The following GPHN variants were observed in gnomAD, a reference collection of about 807,000 sequenced individuals.
GPHN encodes gephyrin.
A neutral mutation model predicts 95.5 loss-of-function variants in GPHN; 17 were observed. The observed-to-expected ratio is 0.18, with a 90% CI of 0.12 to 0.27. GPHN has a LOEUF of 0.27. Among genes scored for constraint, GPHN ranks in the 10% least tolerant of loss-of-function variants. The probability of loss-of-function intolerance (pLI) is 1.00; values close to 1 mark genes in which losing one functional copy is unlikely to be tolerated. For missense variants in GPHN, 660 were observed against 978.1 expected (o/e 0.67, Z 4.34); for synonymous variants, 320 against 322.5 (o/e 0.99, Z 0.08).
chr14:66,686,265 T>C (rs2067353241), intron 2 of GPHN, among the ~76,000 whole-genome samples: 1 of 152,244 alleles, frequency 6.6e-6, no homozygotes, highest in Non-Finnish European at 1.5e-5. Context: ...TTAAAGTAGT[T>C]ATTTCCAATT....
At chr14:67,322,003 T>C in the GPHN span, among the ~76,000 whole-genome samples, 1 of 152,212 alleles carries the variant, frequency 6.6e-6, no homozygotes, top group African/African-American at 2.4e-5. Context: ...CTTGGTTGTA[T>C]GAAAATAATG....
At chr14:66,756,931 A>G (rs561861254) in intron 2 of GPHN, among the ~76,000 whole-genome samples, 1 of 152,238 alleles carries the variant, frequency 6.6e-6, no homozygotes, top group Non-Finnish European at 1.5e-5. Flanking sequence ...CTGACAATTA[A>G]TGAAGTAGCA....
chr14:66,752,876 A>G (rs561965374), intron 2 of GPHN, among the ~76,000 whole-genome samples: 93 of 148,468 alleles, frequency 6.3e-4, no homozygotes, highest in Non-Finnish European at 1.2e-3. Context: ...GACTAGAGAC[A>G]GGAGACCAAC....
the GPHN span, chr14:67,650,947 C>A: frequency 6.2e-7 from 1 of 1,603,082 alleles, no homozygotes; most frequent in South Asian, 1.1e-5. Flanking sequence ...ACATGTTTCA[C>A]AACAGGCATT....
rs1281302946 is a variant in GPHN at position 67,151,886 on chromosome 14, C to T, written c.1837-7529C>T. On this transcript the variant is annotated intron_variant, in intron 18 of 22. Transcript: ENST00000478722. Reference sequence around the variant, plus strand: ...CTCGAACTCCTGGCCTCGAGTGATCCGCCTGCCTCAGCCTCCCAGAGTGCT... The same window carrying T: ...CTCGAACTCCTGGCCTCGAGTGATCTGCCTGCCTCAGCCTCCCAGAGTGCT... Among the ~76,000 whole-genome samples the T allele has an allele frequency of 8.5e-5, 13 of 152,166 alleles. No individual in the cohort carries two copies. In the East Asian group the frequency reaches 9.7e-4, roughly 11 times the overall value.
At chr14:66,648,970 A>C (rs867574074) in intron 1 of GPHN, among the ~76,000 whole-genome samples, 6 of 152,214 alleles carry the variant, frequency 3.9e-5, no homozygotes, top group African/African-American at 1.4e-4. Context: ...GTTCTGATTC[A>C]GAGGGTTTTG....
At chr14:66,921,500 A>T (rs1172801514) in intron 6 of GPHN, among the ~76,000 whole-genome samples, 2 of 146,588 alleles carry the variant, frequency 1.4e-5, no homozygotes, top group African/African-American at 2.5e-5. Flanking sequence ...TCTGGATATT[A>T]GCCCTTTGTC....
At chr14:66,526,320 C>A (rs749100205) in intron 1 of GPHN, among the ~76,000 whole-genome samples, 44 of 152,228 alleles carry the variant, frequency 2.9e-4, no homozygotes, top group Non-Finnish European at 6.3e-4. Flanking sequence ...GTGATTTTTG[C>A]ACATTGATTT....
the GPHN span, chr14:67,590,249 ATTTT>A: frequency 4.9e-3 from 3,549 of 728,396 alleles, no homozygotes; most frequent in South Asian, 7.9e-3. Flanking sequence ...CCACTTGCAA[ATTTT>A]TTTTTTTTTT....
intron 4 of GPHN, among the ~76,000 whole-genome samples, chr14:66,878,050 G>A (rs2063750877): frequency 6.6e-6 from 1 of 152,106 alleles, no homozygotes. Context: ...GAACAGAACA[G>A]AGGCCTCAGA....
chr14:67,555,949 C>G, the GPHN span: 1 of 1,586,934 alleles, frequency 6.3e-7, no homozygotes. Flanking sequence ...CTTCCAGGCC[C>G]TTCCCACGGA....
chr14:66,716,101 T>C (rs2070157584), intron 2 of GPHN, among the ~76,000 whole-genome samples: 1 of 152,180 alleles, frequency 6.6e-6, no homozygotes, highest in African/African-American at 2.4e-5. Context: ...CAGTGGAGTA[T>C]TAAAGTTCCC....
intron 1 of GPHN, among the ~76,000 whole-genome samples, chr14:66,576,002 G>C (rs900852317): frequency 5.3e-5 from 8 of 152,154 alleles, no homozygotes; most frequent in Admixed American, 5.2e-4. Flanking sequence ...CGTGGTCTTG[G>C]GAGCCTGGGC....
chr14:67,668,163 T>C, the GPHN span, among the ~76,000 whole-genome samples: 1 of 152,184 alleles, frequency 6.6e-6, no homozygotes, highest in Non-Finnish European at 1.5e-5. Flanking sequence ...TTAAGACATA[T>C]GGAGAGATGT....
intron 9 of GPHN, among the ~76,000 whole-genome samples, chr14:66,975,176 A>G (rs1330009694): frequency 6.6e-6 from 1 of 152,178 alleles, no homozygotes; most frequent in African/African-American, 2.4e-5. Context: ...TAGATGTGAC[A>G]TAGTTTTTTC....
intron 4 of GPHN, among the ~76,000 whole-genome samples, chr14:66,844,494 T>C (rs979009713): frequency 5.9e-5 from 9 of 152,044 alleles, no homozygotes; most frequent in African/African-American, 1.9e-4. Flanking sequence ...TTGAAGTGTT[T>C]TATGTGTGTA....
At chr14:67,723,696 C>A in the GPHN span, among the ~76,000 whole-genome samples, 1 of 152,294 alleles carries the variant, frequency 6.6e-6, no homozygotes, top group East Asian at 1.9e-4. Context: ...GGAAATAATA[C>A]TGGAGAAGTT....
At chr14:67,567,555 A>T in the GPHN span, among the ~76,000 whole-genome samples, 1 of 151,858 alleles carries the variant, frequency 6.6e-6, no homozygotes, top group Admixed American at 6.6e-5. Context: ...GAGCACAGAA[A>T]CTCCCTGCCC....
At chr14:67,372,520 C>G in the GPHN span, among the ~76,000 whole-genome samples, 2 of 152,130 alleles carry the variant, frequency 1.3e-5, no homozygotes, top group Admixed American at 1.3e-4. Flanking sequence ...TTTAAAAACT[C>G]TTGAACAACC....
Sources: allele counts gnomAD v4.1 joint callset (sites outside exome capture counted in the v4.1 genomes callset), GRCh38; gene constraint gnomAD v4.1.1; transcripts MANE v1.5; gene names NCBI Gene and HGNC (gene_info 2026-07-23, HGNC 2026-07-21).